EAF2: variants seen among roughly 807,000 people sequenced by gnomAD.
The protein encoded by EAF2 is ELL-associated factor 2.
Under a neutral mutation model 29.4 loss-of-function variants are expected in EAF2, and 29 were observed. The observed-to-expected ratio is 0.99, with a 90% CI of 0.73 to 1.35. EAF2 has a LOEUF of 1.35. Ranked by LOEUF, EAF2 falls within the 40% of genes most tolerant of loss-of-function variation. The pLI, the probability that EAF2 is intolerant of heterozygous loss-of-function variation, is 0.00. For synonymous variants in EAF2, 103 were observed against 102.5 expected, an observed-to-expected ratio of 1.00 and a Z score of -0.03; for missense variants, 292 against 312.0, an observed-to-expected ratio of 0.94 and a Z score of 0.48.
At chr3:121,882,741 T>G (rs1456753276) in intron 5 of EAF2, among the ~76,000 whole-genome samples, 1 of 151,376 alleles carries the variant, frequency 6.6e-6, no homozygotes, top group African/African-American at 2.4e-5. Context: ...GAAAGTAAAG[T>G]CCGTAGTGTT....
intron 1 of EAF2, among the ~76,000 whole-genome samples, chr3:121,839,207 A>C (rs1708360963): frequency 6.6e-6 from 1 of 152,200 alleles, no homozygotes; most frequent in South Asian, 2.1e-4. Context: ...CTTTTATATA[A>C]AAAATCTAGA....
chr3:121,841,526 AAAAAAAAAAAAAAAAAAG>A lies in EAF2; in HGVS notation c.107-2923_107-2906del, dbSNP rs1559816482. 6.7e-3 allele frequency among the ~76,000 whole-genome samples: 191 copies of A among 28,490 alleles called. 7 individuals are homozygous for A. Among genetic ancestry groups the A allele is most frequent in the African/African-American group, 0.029 (180 of 6,252 alleles). 18.7% of individuals were successfully genotyped at this position (28,490 alleles called of 152,430 possible). ...TCTCAAAAAAAAAAAAAAAAAAAAA[AAAAAAAAAAAAAAAAAAG>A]AAAGAAAGAAAGAAAAAAGATAGAA... On this transcript the variant is annotated intron_variant, in intron 1 of 5. Coordinates refer to ENST00000273668, the MANE Select transcript of EAF2 (RefSeq NM_018456.6).
At chr3:121,862,873 T>A (rs188856502) in intron 4 of EAF2, among the ~76,000 whole-genome samples, 7 of 152,322 alleles carry the variant, frequency 4.6e-5, no homozygotes, top group African/African-American at 1.7e-4. Flanking sequence ...AGATGGGGTT[T>A]TGGTGTGGAT....
At chr3:121,848,891 CAA>C (rs199867588) in intron 2 of EAF2, among the ~76,000 whole-genome samples, 2 of 150,896 alleles carry the variant, frequency 1.3e-5, no homozygotes, top group South Asian at 4.2e-4. Flanking sequence ...CCCCCCCACA[CAA>C]AAAAAAGAGA....
At chr3:121,859,355 G>T (rs1015744436) in intron 4 of EAF2, among the ~76,000 whole-genome samples, 2 of 152,016 alleles carry the variant, frequency 1.3e-5, no homozygotes, top group Non-Finnish European at 2.9e-5. Context: ...TTGAGCAGTG[G>T]TTTGTATTTC....
intron 5 of EAF2, among the ~76,000 whole-genome samples, chr3:121,880,428 T>A (rs1439058814): frequency 1.3e-5 from 2 of 150,452 alleles, no homozygotes; most frequent in African/African-American, 4.9e-5. Flanking sequence ...CAGGCATGAG[T>A]CACTGTCCTG....
intron 2 of EAF2, 81 bp from the exon 3 acceptor site, chr3:121,854,606 C>A: frequency 8.3e-7 from 1 of 1,205,246 alleles, no homozygotes; most frequent in East Asian, 3.1e-5. Context: ...GAAGGAGAAA[C>A]CCAGAATCAA....
intron 5 of EAF2, among the ~76,000 whole-genome samples, chr3:121,886,115 A>G (rs1218184289): frequency 1.3e-5 from 2 of 152,174 alleles, no homozygotes; most frequent in African/African-American, 4.8e-5. Flanking sequence ...AAAGAAGACT[A>G]AAATAGATGC....
chr3:121,841,864 G>T (rs575046216), intron 1 of EAF2, among the ~76,000 whole-genome samples: 11 of 152,084 alleles, frequency 7.2e-5, no homozygotes, highest in African/African-American at 2.7e-4. Flanking sequence ...AAATTAGCCG[G>T]ATATGGTGGT....
At chr3:121,854,898 T>A in intron 3 of EAF2, 75 bp downstream of exon 3, 1 of 1,319,314 alleles carries the variant, frequency 7.6e-7, no homozygotes, top group Non-Finnish European at 1.0e-6. Context: ...ATTTATTAAG[T>A]CACATTATAA....
At position 121,872,642 on chromosome 3, in the gene EAF2, C is replaced by G. The variant is rs1394565265; in HGVS notation, c.590C>G (p.Ser197Ter). The G allele has an allele frequency of 6.2e-7, 1 of 1,612,842 alleles. No individual in the cohort carries two copies. Among genetic ancestry groups the G allele is most frequent in the Non-Finnish European group, 8.5e-7 (1 of 1,179,238 alleles). The stretch of plus-strand genomic sequence containing the variant: ...AGTAGTGAGGATAGTTCTAGTGACT[C>G]AGAAGATGAAGATTGCAAATCCTCT... ...SSSSEDSSSD[S>*]EDEDCKSSTS... The change falls in exon 5 of 6, where the codon TCA becomes TGA. Residue 197 changes from serine (S) to a stop codon, truncating the protein, a stop_gained. Coordinates refer to ENST00000273668, the MANE Select transcript of EAF2 (RefSeq NM_018456.6). LOFTEE classifies it high-confidence loss of function.
chr3:121,881,655 G>A (rs1253308420), intron 5 of EAF2, among the ~76,000 whole-genome samples: 2 of 151,796 alleles, frequency 1.3e-5, no homozygotes, highest in South Asian at 2.1e-4. Context: ...TACTACAGGC[G>A]CATGCTGCCA....
intron 1 of EAF2, among the ~76,000 whole-genome samples, chr3:121,840,359 C>T (rs1415795107): frequency 6.7e-6 from 1 of 150,158 alleles, no homozygotes; most frequent in Non-Finnish European, 1.5e-5. Flanking sequence ...CCTGTGGTGG[C>T]GCGTGCCTGT....
At chr3:121,876,588 C>T (rs538042387) in intron 5 of EAF2, among the ~76,000 whole-genome samples, 59 of 151,814 alleles carry the variant, frequency 3.9e-4, no homozygotes, top group African/African-American at 1.4e-3. Flanking sequence ...AAACTCTAGA[C>T]AATAGTTGCT....
chr3:121,840,635 C>G (rs1307250282), intron 1 of EAF2, among the ~76,000 whole-genome samples: 1 of 151,184 alleles, frequency 6.6e-6, no homozygotes, highest in African/African-American at 2.4e-5. Flanking sequence ...GAAACCCCGT[C>G]TCTACTAAAA....
Position 121,866,897 on chromosome 3 carries a change from C to T in EAF2, c.485-5640C>T, listed in dbSNP as rs143425284. The stretch of plus-strand genomic sequence containing the variant: ...GTCAATGATCTTTAAACAATTATCA[C>T]GAATATCGTTCAGTTATACATTCCC... On this transcript the variant is annotated intron_variant, in intron 4 of 5. Transcript: ENST00000273668. 1.1e-3 allele frequency among the ~76,000 whole-genome samples: 173 copies of T among 152,060 alleles called. 1 individual carries two copies. Among genetic ancestry groups the T allele is most frequent in the African/African-American group, 4.0e-3 (166 of 41,456 alleles).
intron 5 of EAF2, among the ~76,000 whole-genome samples, chr3:121,876,625 G>C (rs1479512094): frequency 6.6e-6 from 1 of 151,916 alleles, no homozygotes; most frequent in Non-Finnish European, 1.5e-5. Context: ...AGTAGTTTAA[G>C]TATGCTGAGA....
At chr3:121,871,066 A>T (rs1008624471) in intron 4 of EAF2, among the ~76,000 whole-genome samples, 1 of 152,002 alleles carries the variant, frequency 6.6e-6, no homozygotes, top group African/African-American at 2.4e-5. Context: ...GTTCAAAAAG[A>T]CTTGTAAAGG....
chr3:121,873,825 A>G (rs1191010037), intron 5 of EAF2, among the ~76,000 whole-genome samples: 1 of 149,128 alleles, frequency 6.7e-6, no homozygotes, highest in Admixed American at 6.7e-5. Flanking sequence ...CCTTTAGATT[A>G]TAGTTCAAAG....
Sources: gnomAD v4.1 joint callset for allele counts (sites outside exome capture counted in the v4.1 genomes callset) on GRCh38, gnomAD v4.1.1 for gene constraint, MANE v1.5 for transcripts, NCBI Gene and HGNC (gene_info 2026-07-23, HGNC 2026-07-21) for gene names.